Variants in CSMD1 observed in about 807,000 individuals in gnomAD.
CSMD1 encodes CUB and sushi domain-containing protein 1.
A neutral mutation model predicts 417.5 loss-of-function variants in CSMD1; 213 were observed. That is an observed-to-expected ratio of 0.51 (90% CI 0.46 to 0.57). The LOEUF (loss-of-function observed/expected upper bound fraction) is 0.57, where lower values mean the gene tolerates loss of function less well. Among genes scored for constraint, CSMD1 ranks in the 20% least tolerant of loss-of-function variants. CSMD1 has a pLI of 0.00. For missense variants in CSMD1, 6,923 were observed against 4,529.7 expected, an observed-to-expected ratio of 1.53 and a Z score of -15.17; for synonymous variants, 2,862 against 1,736.8, an observed-to-expected ratio of 1.65 and a Z score of -16.11.
intron 3 of CSMD1, among the ~76,000 whole-genome samples, chr8:4,256,420 G>C (rs745889010): frequency 8.5e-5 from 13 of 152,268 alleles, no homozygotes; most frequent in African/African-American, 3.1e-4. Flanking sequence ...TCTGAAAATA[G>C]CACAGAATTG....
intron 23 of CSMD1, among the ~76,000 whole-genome samples, chr8:3,340,054 A>G (rs6989450): frequency 6.6e-6 from 1 of 152,156 alleles, no homozygotes; most frequent in African/African-American, 2.4e-5. Flanking sequence ...TTTTCTTCCC[A>G]GGCAATTCCT....
At chr8:3,795,769 GATACCTATCATGTACAGATATAGATAT>G (rs1563088315) in intron 5 of CSMD1, among the ~76,000 whole-genome samples, 3 of 33,648 alleles carry the variant, frequency 8.9e-5, no homozygotes, top group Non-Finnish European at 2.1e-4. Context: ...TACAGCTATA[GATACCTATCATGTACAGATATAGATAT>G]ATACCTATCA....
chr8:3,385,093 A>AAT (rs1391051427), intron 18 of CSMD1, among the ~76,000 whole-genome samples: 20 of 93,868 alleles, frequency 2.1e-4, no homozygotes, highest in African/African-American at 8.1e-4. Flanking sequence ...TTATATATAA[A>AAT]ATATATATAT....
chr8:3,130,352 G>A (rs1370821143), intron 41 of CSMD1, among the ~76,000 whole-genome samples: 1 of 152,044 alleles, frequency 6.6e-6, no homozygotes, highest in South Asian at 2.1e-4. Flanking sequence ...GCCAGACGAG[G>A]CGATGCAGGT....
chr8:3,488,231 T>C (rs1243091039), intron 11 of CSMD1, among the ~76,000 whole-genome samples: 1 of 151,984 alleles, frequency 6.6e-6, no homozygotes, highest in Non-Finnish European at 1.5e-5. Context: ...GCCTCCTGAG[T>C]AGCTGGGACT....
At chr8:3,029,199 C>G in intron 51 of CSMD1, 120 bp downstream of exon 51, 1 of 695,714 alleles carries the variant, frequency 1.4e-6, no homozygotes, top group African/African-American at 1.8e-5. Context: ...GCCATTTGTT[C>G]TTTTGATCTA....
At chr8:3,514,730 AT>A in intron 10 of CSMD1, among the ~76,000 whole-genome samples, 1 of 152,190 alleles carries the variant, frequency 6.6e-6, no homozygotes, top group Non-Finnish European at 1.5e-5. Flanking sequence ...TATTAATACT[AT>A]TTTTTCAGTA....
intron 1 of CSMD1, among the ~76,000 whole-genome samples, chr8:4,979,017 G>A (rs1051689767): frequency 6.6e-6 from 1 of 152,148 alleles, no homozygotes; most frequent in Non-Finnish European, 1.5e-5. Flanking sequence ...ACTTTGAAGA[G>A]CAAAATTTCC....
At chr8:3,284,037 A>C in intron 26 of CSMD1, 107 bp downstream of exon 26, 1 of 931,198 alleles carries the variant, frequency 1.1e-6, no homozygotes, top group South Asian at 1.5e-5. Context: ...AGGCTCAATA[A>C]ATTGCATCTG....
chr8:4,534,065 G>A (rs1796973407), intron 2 of CSMD1, among the ~76,000 whole-genome samples: 1 of 152,074 alleles, frequency 6.6e-6, no homozygotes, highest in Non-Finnish European at 1.5e-5. Context: ...TCAGGCATAT[G>A]TAAGGACACA....
intron 3 of CSMD1, among the ~76,000 whole-genome samples, chr8:4,363,131 T>G (rs1367552997): frequency 6.6e-6 from 1 of 152,090 alleles, no homozygotes; most frequent in Non-Finnish European, 1.5e-5. Flanking sequence ...TTCAACAGAG[T>G]AAATAATAGG....
At chr8:3,057,657 A>G (rs962181816) in intron 49 of CSMD1, among the ~76,000 whole-genome samples, 1 of 152,198 alleles carries the variant, frequency 6.6e-6, no homozygotes, top group Admixed American at 6.5e-5. Flanking sequence ...ATAAAGTTAC[A>G]GATGCTAACA....
chr8:4,884,221 G>A lies in CSMD1; in HGVS notation c.85+110111C>T, dbSNP rs570121672. Among the ~76,000 whole-genome samples the A allele has an allele frequency of 5.9e-5, 9 of 151,774 alleles. No individual in the cohort carries two copies. In the Middle Eastern group the frequency reaches 0.017, roughly 287 times the overall value. ...AAGAACTTCGTGTGTGTGTGTGTGT[G>A]TACACACACACATACCTATGTTTAT... On this transcript the variant is annotated intron_variant, in intron 1 of 69. Coordinates refer to ENST00000635120, the MANE Select transcript of CSMD1 (RefSeq NM_033225.6).
chr8:3,757,955 C>T (rs545853346), intron 5 of CSMD1, among the ~76,000 whole-genome samples: 24 of 152,178 alleles, frequency 1.6e-4, no homozygotes, highest in Non-Finnish European at 2.9e-4. Context: ...AAAAAAAATG[C>T]GTAAGTCCTG....
chr8:3,895,666 C>T (rs182618717), intron 5 of CSMD1, among the ~76,000 whole-genome samples: 1 of 152,278 alleles, frequency 6.6e-6, no homozygotes, highest in Admixed American at 6.5e-5. Flanking sequence ...ATTTGAGACA[C>T]ACATATTTAT....
intron 7 of CSMD1, among the ~76,000 whole-genome samples, chr8:3,698,011 G>C (rs1164458477): frequency 1.3e-5 from 2 of 151,922 alleles, no homozygotes; most frequent in Non-Finnish European, 2.9e-5. Flanking sequence ...ATCCAATCAG[G>C]CTATACATTG....
chr8:4,462,697 C>A (rs1301813462), intron 2 of CSMD1, among the ~76,000 whole-genome samples: 1 of 152,142 alleles, frequency 6.6e-6, no homozygotes, highest in Non-Finnish European at 1.5e-5. Context: ...CATTACCCGT[C>A]AATTTGATTT....
chr8:4,033,195 C>T (rs986773864), intron 3 of CSMD1, among the ~76,000 whole-genome samples: 7 of 145,632 alleles, frequency 4.8e-5, no homozygotes, highest in Non-Finnish European at 1.0e-4. Context: ...AGTCCCAGCA[C>T]TTTGGGAGGC....
chr8:4,015,118 T>C (rs1412862360), intron 4 of CSMD1, among the ~76,000 whole-genome samples: 1 of 152,154 alleles, frequency 6.6e-6, no homozygotes, highest in Non-Finnish European at 1.5e-5. Context: ...TAAAACCAAA[T>C]TGTCTAAAAC....
Sources: allele counts gnomAD v4.1 joint callset (sites outside exome capture counted in the v4.1 genomes callset), GRCh38; gene constraint gnomAD v4.1.1; transcripts MANE v1.5; gene names NCBI Gene and HGNC (gene_info 2026-07-23, HGNC 2026-07-21).